Variants in EXOSC4 observed in about 807,000 individuals in gnomAD.
The protein encoded by EXOSC4 is exosome complex component RRP41.
A neutral mutation model predicts 20.0 loss-of-function variants in EXOSC4; 14 were observed. The observed-to-expected ratio is 0.70, with a 90% CI of 0.46 to 1.09. EXOSC4 has a LOEUF of 1.09. EXOSC4 is among the 50% of genes least tolerant of loss of function. The pLI is 0.00. For synonymous variants in EXOSC4, 148 were observed against 146.4 expected, an observed-to-expected ratio of 1.01 and a Z score of -0.08; for missense variants, 337 against 334.0, an observed-to-expected ratio of 1.01 and a Z score of -0.07.
chr8:144,068,015 C>T, the EXOSC4 span, among the ~76,000 whole-genome samples: 1 of 152,206 alleles, frequency 6.6e-6, no homozygotes, highest in Non-Finnish European at 1.5e-5. Flanking sequence ...AGTGGCTCTA[C>T]GGCTATGGAG....
chr8:144,078,619 A>T, upstream of EXOSC4: 1 of 1,222,198 alleles, frequency 8.2e-7, no homozygotes. The surrounding 1 kb of genome is among the most constrained non-coding windows in gnomAD (Gnocchi z 4.7). Flanking sequence ...ACCGGAAGTG[A>T]TGGCGGACCT....
the EXOSC4 span, among the ~76,000 whole-genome samples, chr8:144,066,179 GC>G: frequency 6.6e-6 from 1 of 151,726 alleles, no homozygotes. Flanking sequence ...ACCACACCTG[GC>G]TGATTTTTTT....
the EXOSC4 span, among the ~76,000 whole-genome samples, chr8:144,068,756 G>A: frequency 1.3e-5 from 2 of 152,338 alleles, no homozygotes; most frequent in Middle Eastern, 3.4e-3. Context: ...ACTCCAGGAG[G>A]TGCAGCTGAG....
At chr8:144,072,855 G>A in the EXOSC4 span, among the ~76,000 whole-genome samples, 1 of 152,228 alleles carries the variant, frequency 6.6e-6, no homozygotes, top group Admixed American at 6.5e-5. Context: ...AATAAACAAG[G>A]GGGTGCAGGT....
At position 144,078,698 on chromosome 8, in the gene EXOSC4, A is replaced by C. The variant is rs782132080; in HGVS notation, c.-31A>C. On this transcript the variant is annotated 5_prime_UTR_variant, in exon 1 of 3. Transcript: ENST00000316052. The surrounding 1 kb of genome is among the most constrained non-coding windows in gnomAD (Gnocchi z 4.7). ...TAGTTCTCCCGCGGCTCAGAGAAGT[A>C]GGCAGAGAGCGGACCTGGCGGCCGG... 1 of 1,384,772 alleles carries C rather than the reference A, an allele frequency of 7.2e-7. No homozygotes were observed. Among genetic ancestry groups the C allele is most frequent in the Admixed American group, 3.6e-5 (1 of 28,130 alleles). The allele number at this position is 1,384,772 out of a possible 1,614,324, so 85.8% of individuals were successfully genotyped here. A position where few individuals can be genotyped will look rare whatever the true frequency, so the allele number is the denominator to read the frequency against.
intron 1 of EXOSC4, chr8:144,079,527 G>C: frequency 5.5e-6 from 2 of 361,076 alleles, no homozygotes; most frequent in South Asian, 2.2e-5. Flanking sequence ...AGAGCAGAAA[G>C]ACTGCTGGTG....
the EXOSC4 span, among the ~76,000 whole-genome samples, chr8:144,070,757 G>A: frequency 6.6e-6 from 1 of 151,964 alleles, no homozygotes; most frequent in African/African-American, 2.4e-5. Flanking sequence ...GAACCCGGGA[G>A]GCAGAAGTTG....
chr8:144,080,070 G>A lies in EXOSC4; in HGVS notation c.299G>A (p.Gly100Asp). 1 of 1,614,062 alleles carries A rather than the reference G, an allele frequency of 6.2e-7. No homozygotes were observed. Among genetic ancestry groups the A allele is most frequent in the South Asian group, 1.1e-5 (1 of 91,086 alleles). Residue 100 changes from glycine to aspartate, a missense_variant, in exon 2 of 3, where the codon GGC (glycine) becomes GAC (aspartate). Gly to Asp is a moderately conservative substitution (Grantham distance 94, BLOSUM62 -1). Transcript: ENST00000316052. This position sits in a 1 kb window ranked among gnomAD's most constrained non-coding sequence, Gnocchi z 4.9. ...PHGDRKSCEM[G>D]LQLRQTFEAA... ...GGGGACCGTAAGTCCTGTGAGATGGGCCTGCAGCTCCGCCAGACTTTCGAA... is the reference window on the plus strand; with the variant it reads ...GGGGACCGTAAGTCCTGTGAGATGGACCTGCAGCTCCGCCAGACTTTCGAA...
upstream of EXOSC4, among the ~76,000 whole-genome samples, chr8:144,074,320 G>A (rs1428271223): frequency 6.6e-6 from 1 of 152,212 alleles, no homozygotes; most frequent in Non-Finnish European, 1.5e-5. Flanking sequence ...TCCAGCTCCC[G>A]GGAGGTTGAG....
At chr8:144,077,154 A>C (rs1835843004), upstream of EXOSC4, among the ~76,000 whole-genome samples, 1 of 151,882 alleles carries the variant, frequency 6.6e-6, no homozygotes, top group Non-Finnish European at 1.5e-5. Flanking sequence ...CTGAGATAGA[A>C]GAATCACTTG....
the EXOSC4 span, among the ~76,000 whole-genome samples, chr8:144,069,992 A>G: frequency 2.6e-5 from 4 of 152,222 alleles, no homozygotes; most frequent in Admixed American, 2.6e-4. Context: ...ACAAGGAGAA[A>G]AAAGGGCTGT....
the EXOSC4 span, among the ~76,000 whole-genome samples, chr8:144,072,189 GT>G: frequency 7.2e-4 from 108 of 150,178 alleles, 1 homozygote; most frequent in African/African-American, 2.2e-3. Flanking sequence ...GTTTTGTTTT[GT>G]TTTTTTTTGA....
chr8:144,069,916 C>T, the EXOSC4 span, among the ~76,000 whole-genome samples: 1 of 152,188 alleles, frequency 6.6e-6, no homozygotes, highest in Non-Finnish European at 1.5e-5. Flanking sequence ...CACTAAACGC[C>T]AGGGTGACTA....
At chr8:144,079,297 C>G (rs1251409317) in intron 1 of EXOSC4, 1 of 206,952 alleles carries the variant, frequency 4.8e-6, no homozygotes, top group Admixed American at 5.4e-5. Flanking sequence ...TAAGCATTTT[C>G]CCCTTTGTTT....
At chr8:144,066,977 C>T in the EXOSC4 span, among the ~76,000 whole-genome samples, 1 of 152,166 alleles carries the variant, frequency 6.6e-6, no homozygotes, top group African/African-American at 2.4e-5. Context: ...ATCCCAGCTA[C>T]TCGGGAGGCT....
rs782249859 is a variant in EXOSC4 at position 144,078,904 on chromosome 8, G to C, written c.171+5G>C. 9.6e-6 allele frequency: 14 copies of C among 1,464,400 alleles called. No individual in the cohort carries two copies. Among genetic ancestry groups the C allele is most frequent in the Non-Finnish European group, 1.8e-6 (2 of 1,103,428 alleles). 90.7% of individuals were successfully genotyped at this position (1,464,400 alleles called of 1,614,324 possible). A position where few individuals can be genotyped will look rare whatever the true frequency, so the allele number is the denominator to read the frequency against. On this transcript the variant is annotated splice_donor_5th_base_variant and intron_variant, in intron 1 of 2. Coordinates refer to ENST00000316052, the MANE Select transcript of EXOSC4 (RefSeq NM_019037.3). The surrounding 1 kb of genome is among the most constrained non-coding windows in gnomAD (Gnocchi z 4.7). The stretch of plus-strand genomic sequence containing the variant: ...GTGGTCTACGGCCCGCACGAGGCGA[G>C]TGGGCGCGCGGGATGGGGAATCGTG...
the EXOSC4 span, among the ~76,000 whole-genome samples, chr8:144,067,499 G>A: frequency 2.0e-5 from 3 of 152,098 alleles, no homozygotes; most frequent in Non-Finnish European, 4.4e-5. Flanking sequence ...GGAAAGCAAA[G>A]ACAAAGAGAA....
At chr8:144,076,157 C>T (rs538143254), upstream of EXOSC4, among the ~76,000 whole-genome samples, 74 of 152,286 alleles carry the variant, frequency 4.9e-4, no homozygotes, top group African/African-American at 1.5e-3. Context: ...CTCCATAAAA[C>T]CCCAGGGCGC....
chr8:144,073,370 A>G, the EXOSC4 span, among the ~76,000 whole-genome samples: 6 of 152,002 alleles, frequency 3.9e-5, no homozygotes, highest in Admixed American at 3.3e-4. Flanking sequence ...TGGGCGACAG[A>G]ATGAGATTCC....
Sources: allele counts gnomAD v4.1 joint callset (sites outside exome capture counted in the v4.1 genomes callset), GRCh38; gene constraint gnomAD v4.1.1; non-coding constraint Gnocchi (gnomAD v3.1); transcripts MANE v1.5; gene names NCBI Gene and HGNC (gene_info 2026-07-23, HGNC 2026-07-21).